The following DISC1 variants were observed in gnomAD, a reference collection of about 807,000 sequenced individuals.
DISC1 encodes disrupted in schizophrenia 1 protein.
In DISC1, 57 loss-of-function variants were observed where a neutral mutation model predicts 84.5. That is an observed-to-expected ratio of 0.67 (90% CI 0.55 to 0.84). DISC1 has a LOEUF of 0.84. Among genes scored for constraint, DISC1 ranks in the 40% least tolerant of loss-of-function variants. The pLI is 0.00. For missense variants in DISC1, 1,000 were observed against 1,057.8 expected, an observed-to-expected ratio of 0.95 and a Z score of 0.76; for synonymous variants, 411 against 415.2, an observed-to-expected ratio of 0.99 and a Z score of 0.12.
At chr1:231,655,801 G>A (rs116112502) in intron 1 of DISC1, among the ~76,000 whole-genome samples, 1,727 of 152,058 alleles carry the variant, frequency 0.011, 34 homozygotes, top group African/African-American at 0.039. Flanking sequence ...TTCTGTTTGG[G>A]ATAAGGTGGT....
chr1:231,777,566 A>G (rs2077048029), intron 6 of DISC1, among the ~76,000 whole-genome samples: 1 of 152,108 alleles, frequency 6.6e-6, no homozygotes, highest in Non-Finnish European at 1.5e-5. Context: ...GGAATTCATG[A>G]GGCAGAAAAA....
At chr1:231,895,420 ATGTG>A (rs540758320) in intron 9 of DISC1, among the ~76,000 whole-genome samples, 5 of 144,776 alleles carry the variant, frequency 3.5e-5, no homozygotes, top group Non-Finnish European at 6.1e-5. Flanking sequence ...CCTCATATAT[ATGTG>A]TGTGTGTATA....
At chr1:231,824,967 C>A (rs540234685) in intron 9 of DISC1, among the ~76,000 whole-genome samples, 1 of 152,126 alleles carries the variant, frequency 6.6e-6, no homozygotes, top group African/African-American at 2.4e-5. Context: ...ATATGCTAGG[C>A]GCTGTGGCAG....
chr1:231,981,489 A>C (rs993175915), intron 10 of DISC1, among the ~76,000 whole-genome samples: 2 of 152,208 alleles, frequency 1.3e-5, no homozygotes, highest in African/African-American at 4.8e-5. Context: ...CTGGGGGCTA[A>C]CAATGGTTTC....
rs757453905 is a variant in DISC1 at position 231,701,990 on chromosome 1, G to A, written c.1083G>A (p.Gln361=). The change falls in exon 3 of 13, where the codon CAG becomes CAA. Residue 361 remains glutamine, a synonymous_variant. Transcript: ENST00000439617. ...ISLRLKLQKL[Q]EDAVENDDYD... is the part of the protein sequence containing the mutation. Reference sequence around the variant, plus strand: ...TAAGATTAAAACTTCAGAAACTTCAGGAAGATGCAGTTGAGAATGATGATT... The same window carrying A: ...TAAGATTAAAACTTCAGAAACTTCAAGAAGATGCAGTTGAGAATGATGATT... 14 of 1,607,562 alleles carry A rather than the reference G, an allele frequency of 8.7e-6. No individual in the cohort carries two copies. In the South Asian group the frequency reaches 1.6e-4, roughly 18 times the overall value.
At chr1:231,656,964 A>C (rs2125332621) in intron 1 of DISC1, among the ~76,000 whole-genome samples, 1 of 152,292 alleles carries the variant, frequency 6.6e-6, no homozygotes, top group African/African-American at 2.4e-5. Flanking sequence ...AAAGGACATG[A>C]TCTTGTTCCT....
rs1331028975 is a variant in DISC1, at chr1:231,675,690, T to C, written c.68-18136T>C. ...GCCATTGCCCTTATCCCTTGGGGGC[T>C]CTCTGGATGAGGGCTTTCTCTGTCT... is the stretch of plus-strand genomic sequence containing the variant. On this transcript the variant is annotated intron_variant, in intron 1 of 12. Transcript: ENST00000439617. This position sits in a 1 kb window ranked among gnomAD's most constrained non-coding sequence, Gnocchi z 4.1. Among the ~76,000 whole-genome samples the C allele has an allele frequency of 6.6e-6, 1 of 152,090 alleles. No individual in the cohort carries two copies. Among genetic ancestry groups the C allele is most frequent in the African/African-American group, 2.4e-5 (1 of 41,424 alleles).
intron 9 of DISC1, among the ~76,000 whole-genome samples, chr1:231,913,972 G>T (rs2089440826): frequency 6.6e-6 from 1 of 152,166 alleles, no homozygotes; most frequent in Non-Finnish European, 1.5e-5. Flanking sequence ...AGCTCTAAGT[G>T]ACAGAAGCCC....
intron 3 of DISC1, among the ~76,000 whole-genome samples, chr1:231,703,664 T>C (rs2066683217): frequency 1.3e-5 from 2 of 152,198 alleles, no homozygotes; most frequent in Non-Finnish European, 2.9e-5. Context: ...AATGGAGACC[T>C]CACTTCTTTA....
chr1:231,850,960 C>G (rs1318060897), intron 9 of DISC1, among the ~76,000 whole-genome samples: 1 of 152,198 alleles, frequency 6.6e-6, no homozygotes, highest in African/African-American at 2.4e-5. Context: ...CTCAGACACT[C>G]TTACAGGGAA....
chr1:232,015,499 A>G (rs1463685817), intron 11 of DISC1, among the ~76,000 whole-genome samples: 1 of 152,068 alleles, frequency 6.6e-6, no homozygotes, highest in African/African-American at 2.4e-5. Flanking sequence ...GTGTCCTGGG[A>G]GTAGCTGAGA....
At chr1:231,771,730 C>G in intron 6 of DISC1, 1 of 269,204 alleles carries the variant, frequency 3.7e-6, no homozygotes, top group Non-Finnish European at 5.7e-6. Context: ...CCACTCTACT[C>G]TGGAGTGAGA....
chr1:231,866,582 C>G, intron 9 of DISC1: 1 of 1,321,880 alleles, frequency 7.6e-7, no homozygotes, highest in South Asian at 1.2e-5. Context: ...TGCCTGAGGA[C>G]AGCCTGCAGG....
intron 3 of DISC1, chr1:231,723,933 G>T: frequency 1.0e-6 from 1 of 985,402 alleles, no homozygotes; most frequent in Non-Finnish European, 1.2e-6. Flanking sequence ...CTAGGTCAGT[G>T]GCTTTCACAG....
chr1:231,678,649 G>A (rs1453966671), intron 1 of DISC1, among the ~76,000 whole-genome samples: 1 of 152,008 alleles, frequency 6.6e-6, no homozygotes, highest in Non-Finnish European at 1.5e-5. Flanking sequence ...TCTTGACTAC[G>A]TTGCTCTATC....
rs114102183 is a variant in DISC1, at chr1:231,929,546, G to A, written c.1982-29282G>A. Among the ~76,000 whole-genome samples, 488 of 152,322 alleles carry A rather than the reference G, an allele frequency of 3.2e-3. 4 individuals are homozygous for A. Among genetic ancestry groups the A allele is most frequent in the African/African-American group, 0.012 (481 of 41,574 alleles). On this transcript the variant is annotated intron_variant, in intron 9 of 12. Transcript: ENST00000439617. Reference sequence around the variant, plus strand: ...TGGCACTGCGCTGCCTCAGAGCACGGCCGCAGCTTCAAGCACAGACAAGCC... The same window carrying A: ...TGGCACTGCGCTGCCTCAGAGCACGACCGCAGCTTCAAGCACAGACAAGCC...
At chr1:231,655,870 G>A (rs145597637) in intron 1 of DISC1, among the ~76,000 whole-genome samples, 41 of 152,136 alleles carry the variant, frequency 2.7e-4, no homozygotes, top group African/African-American at 7.9e-4. Context: ...GCAGTTTTTC[G>A]TATGTTTCTT....
intron 8 of DISC1, 35 bp from the exon 9 acceptor site, chr1:231,818,294 T>A (rs368039940): frequency 1.2e-6 from 2 of 1,607,280 alleles, no homozygotes; most frequent in African/African-American, 2.7e-5. Flanking sequence ...CTGTAAAGCT[T>A]GTTTTCCCTT....
intron 3 of DISC1, among the ~76,000 whole-genome samples, chr1:231,727,228 C>T (rs2070844913): frequency 6.6e-6 from 1 of 152,154 alleles, no homozygotes; most frequent in African/African-American, 2.4e-5. Flanking sequence ...GCTTCTCACT[C>T]TAATTTTACA....
Sources: gnomAD v4.1 joint callset for allele counts (sites outside exome capture counted in the v4.1 genomes callset) on GRCh38, gnomAD v4.1.1 for gene constraint, Gnocchi (gnomAD v3.1) non-coding constraint, MANE v1.5 for transcripts, NCBI Gene and HGNC (gene_info 2026-07-23, HGNC 2026-07-21) for gene names.